NCBP3: variants seen among roughly 807,000 people sequenced by gnomAD.
NCBP3 encodes the protein nuclear cap binding subunit 3, also known as nuclear cap-binding protein subunit 3.
Under a neutral mutation model 75.7 loss-of-function variants are expected in NCBP3, and 20 were observed. The observed-to-expected ratio is 0.26, with a 90% CI of 0.19 to 0.38. NCBP3 has a LOEUF of 0.38. NCBP3 is among the 10% of genes least tolerant of loss of function. NCBP3 has a pLI of 1.00. For synonymous variants in NCBP3, 293 were observed against 290.5 expected (o/e 1.01, Z -0.09); for missense variants, 678 against 796.9 (o/e 0.85, Z 1.80).
intron 3 of NCBP3, among the ~76,000 whole-genome samples, chr17:3,837,374 G>A (rs982590004): frequency 2.6e-5 from 4 of 151,460 alleles, no homozygotes; most frequent in Admixed American, 1.3e-4. Flanking sequence ...GCAGGTGCCT[G>A]TAATCCTAGC....
chr17:3,832,910 T>G (rs192115631), intron 3 of NCBP3, among the ~76,000 whole-genome samples: 4 of 152,242 alleles, frequency 2.6e-5, no homozygotes, highest in Non-Finnish European at 4.4e-5. Flanking sequence ...TTCAGTTGAG[T>G]GCTTTCCTGA....
intron 7 of NCBP3, chr17:3,822,547 C>T (rs928148598): frequency 6.5e-6 from 1 of 152,884 alleles, no homozygotes; most frequent in African/African-American, 2.4e-5. Context: ...CTCAAAATGG[C>T]TTAAAGAAAA....
rs2053374258 is a variant in NCBP3 at position 3,809,404 on chromosome 17, T to G, written c.*3640A>C. On this transcript the variant is annotated 3_prime_UTR_variant, in exon 13 of 13. Transcript: ENST00000389005. ...TCGGGAATGTTCGTAGCAACACTATTCATAATAGCCAAAAAGTAGGGCCAG... is the reference window on the plus strand; with the variant it reads ...TCGGGAATGTTCGTAGCAACACTATGCATAATAGCCAAAAAGTAGGGCCAG... The G allele has an allele frequency of 6.6e-6, 1 of 152,306 alleles. No homozygotes were observed. The highest frequency in any genetic ancestry group is 2.4e-5 in the African/African-American group (1 of 41,548). The allele number at this position is 152,306 out of a possible 1,614,324, so 9.4% of individuals were successfully genotyped here. A position where few individuals can be genotyped will look rare whatever the true frequency, so the allele number is the denominator to read the frequency against.
intron 3 of NCBP3, among the ~76,000 whole-genome samples, chr17:3,832,509 T>C (rs2053900745): frequency 8.2e-6 from 1 of 121,550 alleles, no homozygotes; most frequent in Non-Finnish European, 2.0e-5. Context: ...CAGGCACCTG[T>C]AGTCCCAGCT....
rs1237681799 is a variant in NCBP3, at chr17:3,803,550, G to T, written c.*9494C>A. 1 of 152,202 alleles carries T rather than the reference G, an allele frequency of 6.6e-6. No individual in the cohort carries two copies. The highest frequency in any genetic ancestry group is 1.9e-4 in the East Asian group (1 of 5,194). The allele number at this position is 152,202 out of a possible 1,614,324, so 9.4% of individuals were successfully genotyped here. A position where few individuals can be genotyped will look rare whatever the true frequency, so the allele number is the denominator to read the frequency against. On this transcript the variant is annotated 3_prime_UTR_variant, in exon 13 of 13. Transcript: ENST00000389005. Reference sequence around the variant, plus strand: ...ACTAAAACATCTTACGGATAAACGAGCATGATGTATACAAATAATCCTCAA... The same window carrying T: ...ACTAAAACATCTTACGGATAAACGATCATGATGTATACAAATAATCCTCAA...
chr17:3,822,115 T>C, intron 7 of NCBP3, 63 bp from the exon 8 acceptor site: 1 of 1,170,680 alleles, frequency 8.5e-7, no homozygotes. Flanking sequence ...TGTTGAATTT[T>C]TTTTTTAATG....
rs964310785 is a variant in NCBP3 at position 3,810,990 on chromosome 17, G to A, written c.*2054C>T. ...GCTGACCACAAGACATCTTTGCCCC[G>A]TCAGTAGAAGCAGAGACTGTGCTGG... On this transcript the variant is annotated 3_prime_UTR_variant, in exon 13 of 13. Coordinates refer to ENST00000389005, the MANE Select transcript of NCBP3 (RefSeq NM_001114118.3). 17 of 152,378 alleles carry A rather than the reference G, an allele frequency of 1.1e-4. No homozygotes were observed. Among genetic ancestry groups the A allele is most frequent in the African/African-American group, 3.1e-4 (13 of 41,450 alleles). The allele number at this position is 152,378 out of a possible 1,614,324, so 9.4% of individuals were successfully genotyped here. A position where few individuals can be genotyped will look rare whatever the true frequency, so the allele number is the denominator to read the frequency against.
intron 3 of NCBP3, among the ~76,000 whole-genome samples, chr17:3,833,649 A>T (rs191640139): frequency 0.015 from 1,521 of 103,796 alleles, 34 homozygotes; most frequent in African/African-American, 0.039. Context: ...TATTTTTTTT[A>T]AAAAAAAAGA....
chr17:3,821,425 C>A, intron 8 of NCBP3, 73 bp from the exon 9 acceptor site: 2 of 1,246,638 alleles, frequency 1.6e-6, no homozygotes, highest in South Asian at 1.3e-5. Flanking sequence ...ATTTCTTTCT[C>A]TTTTCTTTTT....
chr17:3,838,965 G>A (rs1489965975), intron 3 of NCBP3, among the ~76,000 whole-genome samples: 4 of 152,074 alleles, frequency 2.6e-5, no homozygotes, highest in Admixed American at 2.6e-4. Flanking sequence ...TACAGCACAG[G>A]CCTTTAACAT....
At chr17:3,822,125 G>A in intron 7 of NCBP3, 73 bp from the exon 8 acceptor site, 1 of 1,016,846 alleles carries the variant, frequency 9.8e-7, no homozygotes, top group Non-Finnish European at 1.5e-6. Context: ...TTTTTTTAAT[G>A]TTTTCCATAG....
intron 1 of NCBP3, among the ~76,000 whole-genome samples, chr17:3,843,930 T>A (rs537231533): frequency 2.0e-5 from 3 of 152,200 alleles, no homozygotes; most frequent in Non-Finnish European, 4.4e-5. Context: ...TCCTAGTGAT[T>A]CCATGGTATC....
intron 3 of NCBP3, among the ~76,000 whole-genome samples, chr17:3,837,225 G>A (rs553655614): frequency 4.0e-5 from 6 of 151,546 alleles, no homozygotes; most frequent in South Asian, 4.2e-4. Context: ...TCAGCCGGGC[G>A]CAGTGGCTCA....
intron 1 of NCBP3, among the ~76,000 whole-genome samples, chr17:3,843,359 C>A (rs977720113): frequency 6.6e-6 from 1 of 152,104 alleles, no homozygotes; most frequent in Admixed American, 6.6e-5. Flanking sequence ...CATCCTCCCC[C>A]TCAGCTGGGC....
intron 9 of NCBP3, among the ~76,000 whole-genome samples, chr17:3,821,025 C>T (rs1379831817): frequency 6.6e-6 from 1 of 151,890 alleles, no homozygotes; most frequent in African/African-American, 2.4e-5. Context: ...TTTCCTATGT[C>T]ATATTTTGCC....
intron 11 of NCBP3, 35 bp downstream of exon 11, chr17:3,816,081 A>C: frequency 6.3e-7 from 1 of 1,594,648 alleles, no homozygotes; most frequent in South Asian, 1.1e-5. Context: ...TCCGGAGCTC[A>C]GAATCCAGCC....
intron 10 of NCBP3, among the ~76,000 whole-genome samples, chr17:3,817,045 A>AG (rs56866270): frequency 6.6e-6 from 1 of 151,614 alleles, no homozygotes; most frequent in African/African-American, 2.4e-5. Flanking sequence ...AAAAAAAAAA[A>AG]GAACGTGGTG....
rs1032239197 is a variant in NCBP3, at chr17:3,818,702, T to C, written c.1001-130A>G. ...TGACATTTTATTGGAGCACTATCTA[T>C]AATAGTGCCAAATGGACATTACTCT... On this transcript the variant is annotated intron_variant, in intron 9 of 12. Transcript: ENST00000389005. The surrounding 1 kb of genome is among the most constrained non-coding windows in gnomAD (Gnocchi z 4.7). 7.8e-5 allele frequency: 77 copies of C among 983,422 alleles called. No homozygotes were observed. The highest frequency in any genetic ancestry group is 1.1e-4 in the Non-Finnish European group (74 of 668,108). 60.9% of individuals were successfully genotyped at this position (983,422 alleles called of 1,614,324 possible). A position where few individuals can be genotyped will look rare whatever the true frequency, so the allele number is the denominator to read the frequency against.
chr17:3,841,726 G>A (rs1355266544), intron 2 of NCBP3, among the ~76,000 whole-genome samples: 1 of 149,460 alleles, frequency 6.7e-6, no homozygotes, highest in Non-Finnish European at 1.5e-5. Context: ...CCAGCTACTC[G>A]GGAGGCTGAG....
Sources: gnomAD v4.1 joint callset for allele counts (sites outside exome capture counted in the v4.1 genomes callset) on GRCh38, gnomAD v4.1.1 for gene constraint, Gnocchi (gnomAD v3.1) non-coding constraint, MANE v1.5 for transcripts, NCBI Gene and HGNC (gene_info 2026-07-23, HGNC 2026-07-21) for gene names.